CIT: variants seen among roughly 807,000 people sequenced by gnomAD.
The protein encoded by CIT is citron Rho-interacting kinase.
CIT carries 79 observed loss-of-function variants against 272.7 expected under a neutral mutation model. That is an observed-to-expected ratio of 0.29 (90% CI 0.24 to 0.35). The LOEUF (loss-of-function observed/expected upper bound fraction) is 0.35. Ranked by LOEUF, CIT falls within the 10% of genes least tolerant of loss-of-function variation. CIT has a pLI of 1.00. For synonymous variants in CIT, 948 were observed against 995.6 expected (o/e 0.95, Z 0.90); for missense variants, 1,909 against 2,618.3 (o/e 0.73, Z 5.91).
In CIT at chr12:119,806,251, C is replaced by G. The variant is rs531800423; in HGVS notation, c.1112-2862G>C. On this transcript the variant is annotated intron_variant, in intron 9 of 47. Transcript: ENST00000392521. ...AAAGCTAGGGATATAAACCTCTAGA[C>G]AGCTAGTCGGTCAAGTACAACAGGA... 2.0e-5 allele frequency among the ~76,000 whole-genome samples: 3 copies of G among 150,084 alleles called. No homozygotes were observed. In the South Asian group the frequency reaches 6.3e-4, roughly 31 times the overall value.
At chr12:119,858,837 C>T (rs1050288125) in intron 3 of CIT, among the ~76,000 whole-genome samples, 1 of 151,492 alleles carries the variant, frequency 6.6e-6, no homozygotes, top group Admixed American at 6.6e-5. Context: ...AAAAAAACAG[C>T]GTGGTGGGCA....
chr12:119,718,377 G>C lies in CIT; in HGVS notation c.4036C>G (p.Pro1346Ala). The C allele has an allele frequency of 6.2e-7, 1 of 1,613,762 alleles. No individual in the cohort carries two copies. The highest frequency in any genetic ancestry group is 8.5e-7 in the Non-Finnish European group (1 of 1,179,890). Reference sequence around the variant, plus strand: ...TGCCTCGCGGTGGCTGGCGTGGATGGGTGTGGGTGGTCCGTTGCTTTGCGG... The same window carrying C: ...TGCCTCGCGGTGGCTGGCGTGGATGCGTGTGGGTGGTCCGTTGCTTTGCGG... Reference protein sequence around the residue: ...AHRKATDHPHPSTPATARQQI... With the variant: ...AHRKATDHPHASTPATARQQI... Residue 1346 changes from proline (P) to alanine (A), a missense_variant, in exon 32 of 48, where the codon CCA becomes GCA. Coordinates refer to ENST00000392521, the MANE Select transcript of CIT (RefSeq NM_001206999.2). The surrounding 1 kb of genome is among the most constrained non-coding windows in gnomAD (Gnocchi z 4.8).
chr12:119,798,213 A>G (rs1593787853), intron 10 of CIT, among the ~76,000 whole-genome samples: 1 of 152,298 alleles, frequency 6.6e-6, no homozygotes, highest in South Asian at 2.1e-4. Context: ...CAGCATTTAG[A>G]CCTGCCTGTC....
chr12:119,833,757 T>G (rs1968811463), intron 6 of CIT, among the ~76,000 whole-genome samples: 1 of 152,034 alleles, frequency 6.6e-6, no homozygotes, highest in Admixed American at 6.6e-5. Context: ...TGGTATGACA[T>G]TTCCTTCTGC....
At position 119,690,362 on chromosome 12, in the gene CIT, G is replaced by A. The variant is rs866608224; in HGVS notation, c.5975C>T (p.Pro1992Leu). The A allele has an allele frequency of 1.3e-6, 2 of 1,597,596 alleles. No individual in the cohort carries two copies. Among genetic ancestry groups the A allele is most frequent in the Non-Finnish European group, 1.7e-6 (2 of 1,178,132 alleles). Residue 1992 changes from proline to leucine, a missense_variant, in exon 47 of 48, where the codon CCG becomes CTG. This residue lies in a region of CIT where 780 missense variants were observed against 1,067.2 expected (regional missense o/e 0.73). Coordinates refer to ENST00000392521, the MANE Select transcript of CIT (RefSeq NM_001206999.2). The surrounding 1 kb of genome is among the most constrained non-coding windows in gnomAD (Gnocchi z 6.0). The stretch of plus-strand genomic sequence containing the variant: ...GCGGTGGGGTGTGCTTGGCTCTCGC[G>A]GGTGGCTGGGGCCTTCGGGCGGCGC... ...SPAPPEGPSH[P>L]REPSTPHRYR...
At position 119,697,630 on chromosome 12, in the gene CIT, G is replaced by A. The variant is rs770972266; in HGVS notation, c.5882+29C>T. 6.7e-5 allele frequency: 108 copies of A among 1,607,852 alleles called. 1 individual carries two copies. The highest frequency in any genetic ancestry group is 3.4e-6 in the Non-Finnish European group (4 of 1,176,828). ...CCTTGCAGAAAAGCACGTTGCCCCT[G>A]GTACTGAGGAAGAGGAGAAGCTGGT... On this transcript the variant is annotated intron_variant, in intron 46 of 47. Transcript: ENST00000392521. The surrounding 1 kb of genome is among the most constrained non-coding windows in gnomAD (Gnocchi z 4.9).
chr12:119,708,314 T>G lies in CIT; in HGVS notation c.5076A>C (p.Glu1692Asp). The change falls in exon 40 of 48, where the codon GAA (glutamate) becomes GAC (aspartate). Residue 1692 changes from glutamate (E) to aspartate (D), a missense_variant. This residue lies in a region of CIT where 780 missense variants were observed against 1,067.2 expected (regional missense o/e 0.73). Coordinates refer to ENST00000392521, the MANE Select transcript of CIT (RefSeq NM_001206999.2). Reference protein sequence around the residue: ...DLEKLLMIAGEERALCLVDVK... With the variant: ...DLEKLLMIAGDERALCLVDVK... ...CGTCCACAAGACACAGTGCCCGCTCTTCTCCTGAACAGGAAAAGGAACAAC... is the reference window on the plus strand; with the variant it reads ...CGTCCACAAGACACAGTGCCCGCTCGTCTCCTGAACAGGAAAAGGAACAAC... 6.3e-7 allele frequency: 1 copy of G among 1,586,794 alleles called. No homozygotes were observed. Among genetic ancestry groups the G allele is most frequent in the Non-Finnish European group, 8.6e-7 (1 of 1,166,290 alleles).
intron 2 of CIT, among the ~76,000 whole-genome samples, chr12:119,873,777 T>C (rs1950755187): frequency 2.3e-4 from 1 of 4,340 alleles, no homozygotes; most frequent in Non-Finnish European, 4.5e-4. Flanking sequence ...TACCAATATT[T>C]TGGAAAAAAA....
rs1329488108 is a variant in CIT, at chr12:119,785,055, A to G, written c.1306T>C (p.Ser436Pro). 6.2e-7 allele frequency: 1 copy of G among 1,614,160 alleles called. No individual in the cohort carries two copies. The highest frequency in any genetic ancestry group is 1.7e-5 in the Admixed American group (1 of 60,024). ...GILGRSESVV[S>P]GLDSPAKTSS... ...GTCTTGGCAGGGGAGTCCAGACCCG[A>G]CACAACAGACCTAGGTAGAGAAAAA... The change falls in exon 11 of 48, where the codon TCG becomes CCG. Residue 436 changes from serine (S) to proline (P), a missense_variant. Ser to Pro is a moderately conservative substitution (Grantham distance 74). Around this residue, in one of 8 missense-constraint regions of CIT, gnomAD observed 529 missense variants for 549.6 expected, o/e 0.96. Transcript: ENST00000392521.
At chr12:119,820,364 A>G (rs990516659) in intron 9 of CIT, among the ~76,000 whole-genome samples, 3 of 152,044 alleles carry the variant, frequency 2.0e-5, no homozygotes, top group African/African-American at 7.3e-5. Flanking sequence ...CAGCCTGACC[A>G]ACATGGTGAA....
rs1956123489 is a variant in CIT at position 119,694,541 on chromosome 12, C to T, written c.5882+3118G>A. ...AGGGGTGGTTGCGTGTAGTGGCTCA[C>T]ACCTGTAATCCCAGCACTTTGGGGG... On this transcript the variant is annotated intron_variant, in intron 46 of 47. Transcript: ENST00000392521. This position sits in a 1 kb window ranked among gnomAD's most constrained non-coding sequence, Gnocchi z 4.5. 3.3e-5 allele frequency among the ~76,000 whole-genome samples: 5 copies of T among 152,154 alleles called. No homozygotes were observed. The highest frequency in any genetic ancestry group is 3.3e-4 in the Admixed American group (5 of 15,284).
At position 119,728,691 on chromosome 12, in the gene CIT, G is replaced by A. The variant is rs147918652; in HGVS notation, c.3487-85C>T. 6.8e-4 allele frequency: 635 copies of A among 939,410 alleles called. 5 individuals carry two copies. In the African/African-American group the frequency reaches 8.4e-3, roughly 12 times the overall value. 58.2% of individuals were successfully genotyped at this position (939,410 alleles called of 1,614,324 possible). A position where few individuals can be genotyped will look rare whatever the true frequency, so the allele number is the denominator to read the frequency against. On this transcript the variant is annotated intron_variant, in intron 27 of 47. Transcript: ENST00000392521. The surrounding 1 kb of genome is among the most constrained non-coding windows in gnomAD (Gnocchi z 4.3). ...TTTATGAATGTCCACGAACCTTCAC[G>A]GAGAAAGAATATTGAGTTCTAAAGG...
chr12:119,843,251 G>A (rs1354683514), intron 5 of CIT, among the ~76,000 whole-genome samples: 5 of 152,220 alleles, frequency 3.3e-5, no homozygotes, highest in Non-Finnish European at 7.3e-5. Context: ...GGTAAGTCAC[G>A]TGGAAGAGTC....
chr12:119,746,481 TGA>T (rs1959425030), intron 23 of CIT, among the ~76,000 whole-genome samples: 1 of 152,222 alleles, frequency 6.6e-6, no homozygotes, highest in Non-Finnish European at 1.5e-5. Context: ...AACAGGAAGC[TGA>T]GAGTGGAGTT....
chr12:119,782,806 A>C, intron 12 of CIT, 169 bp from the exon 13 acceptor site: 7 of 690,226 alleles, frequency 1.0e-5, no homozygotes, highest in East Asian at 3.0e-5. Flanking sequence ...ATCCTGTAAA[A>C]CCCCTTGGTT....
chr12:119,721,560 T>C (rs1386293587), intron 28 of CIT, 111 bp from the exon 29 acceptor site: 2 of 1,018,918 alleles, frequency 2.0e-6, no homozygotes, highest in African/African-American at 3.2e-5. Context: ...AGTACAGCTT[T>C]TGAAATCATC....
rs1241293310 is a variant in CIT at position 119,694,012 on chromosome 12, C to T, written c.5883-3558G>A. ...AATAATCCAGAAGATTATCTTAGGT[C>T]ATTTATTCCCGGGGTTAAATAATCT... On this transcript the variant is annotated intron_variant, in intron 46 of 47. Coordinates refer to ENST00000392521, the MANE Select transcript of CIT (RefSeq NM_001206999.2). The surrounding 1 kb of genome is among the most constrained non-coding windows in gnomAD (Gnocchi z 4.5). 2.6e-5 allele frequency among the ~76,000 whole-genome samples: 4 copies of T among 152,178 alleles called. No individual in the cohort carries two copies. Among genetic ancestry groups the T allele is most frequent in the African/African-American group, 9.7e-5 (4 of 41,438 alleles).
In CIT at chr12:119,717,197, C is replaced by T. The variant is rs886494335; in HGVS notation, c.4168+1048G>A. Among the ~76,000 whole-genome samples the T allele has an allele frequency of 2.6e-5, 4 of 152,164 alleles. No individual in the cohort carries two copies. In the South Asian group the frequency reaches 8.3e-4, roughly 32 times the overall value. On this transcript the variant is annotated intron_variant, in intron 32 of 47. Transcript: ENST00000392521. ...CCTCCCAGGTAACTGGGATTACAGG[C>T]ATGCACCACCACACCCGGCTAATTT...
Position 119,697,631 on chromosome 12 carries a change from G to A in CIT, c.5882+28C>T. 6.2e-7 allele frequency: 1 copy of A among 1,609,304 alleles called. No individual in the cohort carries two copies. Among genetic ancestry groups the A allele is most frequent in the Non-Finnish European group, 8.5e-7 (1 of 1,177,494 alleles). On this transcript the variant is annotated intron_variant, in intron 46 of 47. Transcript: ENST00000392521. The surrounding 1 kb of genome is among the most constrained non-coding windows in gnomAD (Gnocchi z 4.9). Reference sequence around the variant, plus strand: ...CTTGCAGAAAAGCACGTTGCCCCTGGTACTGAGGAAGAGGAGAAGCTGGTT... The same window carrying A: ...CTTGCAGAAAAGCACGTTGCCCCTGATACTGAGGAAGAGGAGAAGCTGGTT...
Sources: allele counts gnomAD v4.1 joint callset (sites outside exome capture counted in the v4.1 genomes callset), GRCh38; gene constraint gnomAD v4.1.1; regional missense constraint gnomAD v4.1.1; non-coding constraint Gnocchi (gnomAD v3.1); transcripts MANE v1.5; gene names NCBI Gene and HGNC (gene_info 2026-07-23, HGNC 2026-07-21).